The following SEMA6D variants were observed in gnomAD, a reference collection of about 807,000 sequenced individuals.
SEMA6D encodes semaphorin-6D.
In SEMA6D, 35 loss-of-function variants were observed where a neutral mutation model predicts 106.6. The observed-to-expected ratio is 0.33, with a 90% CI of 0.25 to 0.44. The LOEUF (loss-of-function observed/expected upper bound fraction) is 0.44, where lower values mean the gene tolerates loss of function less well. Ranked by LOEUF, SEMA6D falls within the 20% of genes least tolerant of loss-of-function variation. The pLI is 1.00. For synonymous variants in SEMA6D, 499 were observed against 487.7 expected, an observed-to-expected ratio of 1.02 and a Z score of -0.31; for missense variants, 1,185 against 1,345.9, an observed-to-expected ratio of 0.88 and a Z score of 1.87.
chr15:47,209,174 T>C (rs1377516049), intron 1 of SEMA6D, among the ~76,000 whole-genome samples: 1 of 152,152 alleles, frequency 6.6e-6, no homozygotes, highest in Non-Finnish European at 1.5e-5. Context: ...AAATATTCAA[T>C]AAAATATTAG....
intron 1 of SEMA6D, among the ~76,000 whole-genome samples, chr15:47,750,752 C>T (rs888427022): frequency 3.1e-4 from 47 of 152,222 alleles, no homozygotes; most frequent in Non-Finnish European, 6.3e-4. Flanking sequence ...TGGGAACCCA[C>T]ATTCCTAGAA....
At chr15:47,687,883 A>G (rs1240194680) in intron 4 of SEMA6D, among the ~76,000 whole-genome samples, 1 of 152,140 alleles carries the variant, frequency 6.6e-6, no homozygotes, top group African/African-American at 2.4e-5. Context: ...GGAGATGAAA[A>G]TATTGGAGGA....
intron 1 of SEMA6D, among the ~76,000 whole-genome samples, chr15:47,251,561 A>G (rs997280548): frequency 2.6e-5 from 4 of 152,310 alleles, no homozygotes; most frequent in Non-Finnish European, 5.9e-5. Context: ...CTCGGTTAGT[A>G]TAGTAGAATT....
chr15:47,531,904 A>G (rs964963302), intron 3 of SEMA6D, among the ~76,000 whole-genome samples: 5 of 152,192 alleles, frequency 3.3e-5, no homozygotes, highest in African/African-American at 7.2e-5. Context: ...CACCCAGTGG[A>G]CTAACAGAAT....
At chr15:47,724,504 T>A (rs943967289) in intron 1 of SEMA6D, among the ~76,000 whole-genome samples, 1 of 152,166 alleles carries the variant, frequency 6.6e-6, no homozygotes, top group Non-Finnish European at 1.5e-5. Context: ...CAGGGAAGGC[T>A]CTGTGGAGTC....
chr15:47,743,146 T>C (rs1477068752), intron 1 of SEMA6D, among the ~76,000 whole-genome samples: 1 of 152,212 alleles, frequency 6.6e-6, no homozygotes, highest in African/African-American at 2.4e-5. Context: ...GTCCTATATG[T>C]CCTTCCCAAC....
At chr15:47,394,260 C>CA (rs894737238) in intron 1 of SEMA6D, among the ~76,000 whole-genome samples, 17 of 152,088 alleles carry the variant, frequency 1.1e-4, no homozygotes. Flanking sequence ...AATGAATTTG[C>CA]ACATGCTTAG....
chr15:47,518,162 G>A (rs894635656), intron 3 of SEMA6D, among the ~76,000 whole-genome samples: 8 of 152,130 alleles, frequency 5.3e-5, no homozygotes, highest in African/African-American at 1.9e-4. Context: ...GCATTTGTGG[G>A]GCTGTGATTT....
At chr15:47,714,216 CTATTAT>C (rs2079070115), upstream of SEMA6D, among the ~76,000 whole-genome samples, 1 of 152,132 alleles carries the variant, frequency 6.6e-6, no homozygotes, top group African/African-American at 2.4e-5. Flanking sequence ...TATGACCTCA[CTATTAT>C]TAACTACTAT....
chr15:47,661,506 G>A (rs1376445990), intron 4 of SEMA6D, among the ~76,000 whole-genome samples: 1 of 152,236 alleles, frequency 6.6e-6, no homozygotes, highest in Non-Finnish European at 1.5e-5. Context: ...ACTGCATGAA[G>A]AGCTGGCTTC....
chr15:47,610,733 GA>G (rs1410373552), intron 4 of SEMA6D, among the ~76,000 whole-genome samples: 2 of 151,918 alleles, frequency 1.3e-5, no homozygotes, highest in African/African-American at 4.8e-5. Context: ...CTAAAATATT[GA>G]AAAAAGAAAT....
chr15:47,748,968 T>G (rs1224950960), intron 1 of SEMA6D, among the ~76,000 whole-genome samples: 1 of 151,696 alleles, frequency 6.6e-6, no homozygotes, highest in Non-Finnish European at 1.5e-5. Context: ...AAGGAGAGGA[T>G]GATGGAGACG....
At chr15:47,608,817 G>A (rs1276857242) in intron 4 of SEMA6D, among the ~76,000 whole-genome samples, 1 of 152,126 alleles carries the variant, frequency 6.6e-6, no homozygotes, top group Non-Finnish European at 1.5e-5. Context: ...TGGAACATTT[G>A]TAATGTTGAA....
intron 1 of SEMA6D, among the ~76,000 whole-genome samples, chr15:47,273,333 C>T (rs897893156): frequency 1.3e-5 from 2 of 151,938 alleles, no homozygotes; most frequent in African/African-American, 4.8e-5. Flanking sequence ...CTACTCTTCC[C>T]CAACAACATT....
intron 1 of SEMA6D, among the ~76,000 whole-genome samples, chr15:47,328,391 C>T (rs545099337): frequency 6.6e-6 from 1 of 152,128 alleles, no homozygotes. Context: ...TTTTCCCACC[C>T]AGGAGAAATA....
chr15:47,305,840 G>A lies in SEMA6D; in HGVS notation c.-238-106553G>A, dbSNP rs181940031. Among the ~76,000 whole-genome samples, 237 of 152,332 alleles carry A rather than the reference G, an allele frequency of 1.6e-3. 4 individuals are homozygous for A. The highest frequency in any genetic ancestry group is 3.4e-3 in the Middle Eastern group (1 of 294). ...AGATAAGTTCTTCACCCACAAAGTA[G>A]ATCTTCTCATATTGGCCAGAGCCTC... On this transcript the variant is annotated intron_variant, in intron 1 of 19. Coordinates refer to the SEMA6D transcript ENST00000558014.
chr15:47,317,771 A>G (rs1323510071), intron 1 of SEMA6D, among the ~76,000 whole-genome samples: 1 of 152,114 alleles, frequency 6.6e-6, no homozygotes, highest in African/African-American at 2.4e-5. Context: ...CTCTCTGGCT[A>G]CTTTCAAAAT....
At chr15:47,341,119 G>A (rs1255012861) in intron 1 of SEMA6D, among the ~76,000 whole-genome samples, 1 of 152,126 alleles carries the variant, frequency 6.6e-6, no homozygotes, top group Non-Finnish European at 1.5e-5. Flanking sequence ...TTAGGGGCTG[G>A]GCGTGGTGGC....
At chr15:47,387,904 A>C (rs2039895776) in intron 1 of SEMA6D, among the ~76,000 whole-genome samples, 1 of 152,254 alleles carries the variant, frequency 6.6e-6, no homozygotes, top group South Asian at 2.1e-4. Flanking sequence ...AATTAAATAA[A>C]GTAATTTTTT....
Sources: gnomAD v4.1 joint callset for allele counts (sites outside exome capture counted in the v4.1 genomes callset) on GRCh38, gnomAD v4.1.1 for gene constraint, MANE v1.5 for transcripts, NCBI Gene and HGNC (gene_info 2026-07-23, HGNC 2026-07-21) for gene names.